The following MME variants were observed in gnomAD, a reference collection of about 807,000 sequenced individuals.
MME encodes neprilysin.
In MME, 98 loss-of-function variants were observed where a neutral mutation model predicts 113.2. The observed-to-expected ratio is 0.87, with a 90% confidence interval of 0.74 to 1.02. The LOEUF (loss-of-function observed/expected upper bound fraction) is 1.02. MME is among the 50% of genes least tolerant of loss of function. MME has a pLI of 0.00. For synonymous variants in MME, 292 were observed against 300.6 expected (o/e 0.97, Z 0.30); for missense variants, 836 against 896.0 (o/e 0.93, Z 0.86).
At chr3:155,025,613 G>T (rs1712752705) in intron 1 of MME, among the ~76,000 whole-genome samples, 1 of 134,972 alleles carries the variant, frequency 7.4e-6, no homozygotes. Flanking sequence ...GACAGAGCGA[G>T]ACCCTGTCTC....
chr3:155,039,058 C>T (rs1368313271), intron 1 of MME, among the ~76,000 whole-genome samples: 3 of 152,086 alleles, frequency 2.0e-5, no homozygotes, highest in African/African-American at 7.2e-5. Flanking sequence ...TTATTTTAAC[C>T]ACACAAAACA....
chr3:155,134,287 T>C (rs1378811445), intron 8 of MME, among the ~76,000 whole-genome samples: 1 of 152,062 alleles, frequency 6.6e-6, no homozygotes, highest in Non-Finnish European at 1.5e-5. Context: ...CTTGCTCCAC[T>C]CTCTCCCTCC....
chr3:155,084,838 T>C (rs1715522442), intron 2 of MME, among the ~76,000 whole-genome samples: 1 of 152,196 alleles, frequency 6.6e-6, no homozygotes, highest in South Asian at 2.1e-4. Context: ...GAAGATATAA[T>C]AACACATTTT....
intron 12 of MME, among the ~76,000 whole-genome samples, chr3:155,143,184 G>A (rs375668847): frequency 1.1e-4 from 16 of 152,188 alleles, no homozygotes; most frequent in African/African-American, 3.6e-4. Flanking sequence ...TTTTTCTAAC[G>A]CTTTCTACAA....
At chr3:155,169,379 C>G (rs750306438) in intron 20 of MME, among the ~76,000 whole-genome samples, 1 of 152,176 alleles carries the variant, frequency 6.6e-6, no homozygotes, top group Non-Finnish European at 1.5e-5. Flanking sequence ...TCCCATTTAG[C>G]CTTCCATTCA....
chr3:155,131,343 G>A lies in MME; in HGVS notation c.721-6759G>A, dbSNP rs562591718. On this transcript the variant is annotated intron_variant, in intron 8 of 22. Transcript: ENST00000360490. Reference sequence around the variant, plus strand: ...AATATGTGCCTCAGTGATACGTGGCGGAGCTTGTCTCACTGCATAACACAG... The same window carrying A: ...AATATGTGCCTCAGTGATACGTGGCAGAGCTTGTCTCACTGCATAACACAG... Among the ~76,000 whole-genome samples, 5 of 152,212 alleles carry A rather than the reference G, an allele frequency of 3.3e-5. No homozygotes were observed. In the South Asian group the frequency reaches 6.2e-4, roughly 19 times the overall value.
intron 3 of MME, among the ~76,000 whole-genome samples, chr3:155,107,290 T>C (rs1264969156): frequency 6.7e-6 from 1 of 150,372 alleles, no homozygotes; most frequent in Non-Finnish European, 1.5e-5. Flanking sequence ...GAGGTGGAGG[T>C]TGCAGTGAGC....
At chr3:155,168,468 T>G in intron 18 of MME, 24 bp from the exon 19 acceptor site, 1 of 1,595,046 alleles carries the variant, frequency 6.3e-7, no homozygotes, top group Non-Finnish European at 8.6e-7. Flanking sequence ...GAGTTCCCAT[T>G]TTACTTAAAT....
intron 1 of MME, among the ~76,000 whole-genome samples, chr3:155,031,742 C>T (rs905174773): frequency 6.6e-6 from 1 of 152,200 alleles, no homozygotes; most frequent in Non-Finnish European, 1.5e-5. Flanking sequence ...ACTGCAACCT[C>T]TGCCTCCCGG....
At position 155,181,955 on chromosome 3, in the gene MME, C is replaced by G. The variant is rs1440177733; in HGVS notation, c.*1496C>G. On this transcript the variant is annotated 3_prime_UTR_variant, in exon 23 of 23. Transcript: ENST00000360490. The stretch of plus-strand genomic sequence containing the variant: ...TTACAGAAATACTATAACATATGTA[C>G]ATAAATTGCATAAAGCATAAGTATA... 1 of 152,004 alleles carries G rather than the reference C, an allele frequency of 6.6e-6. No individual in the cohort carries two copies. Among genetic ancestry groups the G allele is most frequent in the African/African-American group, 2.4e-5 (1 of 41,372 alleles). 9.4% of individuals were successfully genotyped at this position (152,004 alleles called of 1,614,324 possible). A position where few individuals can be genotyped will look rare whatever the true frequency, so the allele number is the denominator to read the frequency against.
chr3:155,172,173 C>T lies in MME; in HGVS notation c.2037C>T (p.Asp679=). The change falls in exon 21 of 23, where the codon GAC becomes GAT. Residue 679 remains aspartate, a synonymous_variant. Transcript: ENST00000360490. ...AAGAAAAATTACTTCCTGGACTTGA[C>T]CTAAATCACAAACAACTATTTTTCT... ...NGEEKLLPGL[D]LNHKQLFFLN... 2.5e-6 allele frequency: 4 copies of T among 1,611,862 alleles called. No homozygotes were observed. The highest frequency in any genetic ancestry group is 3.4e-6 in the Non-Finnish European group (4 of 1,178,304).
intron 8 of MME, among the ~76,000 whole-genome samples, chr3:155,133,758 G>GTA (rs1216451166): frequency 2.8e-5 from 4 of 144,590 alleles, no homozygotes; most frequent in Non-Finnish European, 4.5e-5. Context: ...ATATATATGT[G>GTA]TATATATATG....
rs201076610 is a variant in MME, at chr3:155,085,059, A to G, written c.161A>G (p.Asp54Gly). 1 of 1,585,972 alleles carries G rather than the reference A, an allele frequency of 6.3e-7. No individual in the cohort carries two copies. The highest frequency in any genetic ancestry group is 8.6e-7 in the Non-Finnish European group (1 of 1,159,548). The change falls in exon 3 of 23, where the codon GAT becomes GGT. Residue 54 changes from aspartate (D) to glycine (G), a missense_variant and splice_region_variant. Transcript: ENST00000360490. ...TATGTATATTCTCTCCTTTTTCTAG[A>G]TGGTATTTGCAAGTCATCAGACTGC... ...TMIALYATYD[D>G]GICKSSDCIK... is the part of the protein sequence containing the mutation.
intron 1 of MME, among the ~76,000 whole-genome samples, chr3:155,070,277 T>C (rs956334096): frequency 2.0e-5 from 3 of 152,344 alleles, no homozygotes; most frequent in Admixed American, 1.3e-4. Context: ...ATCACTATAC[T>C]TGAAAAGATT....
chr3:155,044,669 T>C lies in MME; in HGVS notation c.-11+20345T>C, dbSNP rs113880706. Among the ~76,000 whole-genome samples the C allele has an allele frequency of 5.6e-4, 86 of 152,258 alleles. 1 individual carries two copies. The highest frequency in any genetic ancestry group is 1.9e-3 in the African/African-American group (81 of 41,554). Reference sequence around the variant, plus strand: ...TGAGTATCTTCTTAATTGGAATGTTTATAGTGTTTCTCCATTAAGCAGTTT... The same window carrying C: ...TGAGTATCTTCTTAATTGGAATGTTCATAGTGTTTCTCCATTAAGCAGTTT... On this transcript the variant is annotated intron_variant, in intron 1 of 22. Transcript: ENST00000492661.
rs145124549 is a variant in MME at position 155,179,338 on chromosome 3, G to A, written c.2154-1022G>A. Among the ~76,000 whole-genome samples the A allele has an allele frequency of 5.1e-3, 784 of 152,284 alleles. 2 individuals are homozygous for A. The highest frequency in any genetic ancestry group is 8.4e-3 in the Non-Finnish European group (572 of 68,016). Reference sequence around the variant, plus strand: ...ATTGGAAGCCATGGACAGGAGTTTAGATTTCCTTCAAGTCCATGGAAGGTT... The same window carrying A: ...ATTGGAAGCCATGGACAGGAGTTTAAATTTCCTTCAAGTCCATGGAAGGTT... On this transcript the variant is annotated intron_variant, in intron 22 of 22. Transcript: ENST00000360490.
chr3:155,044,370 C>T (rs561853891), intron 1 of MME, among the ~76,000 whole-genome samples: 4 of 151,980 alleles, frequency 2.6e-5, no homozygotes, highest in East Asian at 1.9e-4. Flanking sequence ...TGATCTCAGA[C>T]GATCCACCTG....
At chr3:155,082,371 A>G (rs958902153) in intron 1 of MME, among the ~76,000 whole-genome samples, 1 of 152,244 alleles carries the variant, frequency 6.6e-6, no homozygotes, top group African/African-American at 2.4e-5. Context: ...CTTAACATTC[A>G]GGTGTTCTTT....
intron 16 of MME, among the ~76,000 whole-genome samples, chr3:155,152,835 C>T (rs1170103851): frequency 2.0e-5 from 3 of 150,858 alleles, no homozygotes; most frequent in Non-Finnish European, 2.9e-5. Context: ...AGAGACACTC[C>T]GTCTCAAAGA....
Sources: gnomAD v4.1 joint callset for allele counts (sites outside exome capture counted in the v4.1 genomes callset) on GRCh38, gnomAD v4.1.1 for gene constraint, MANE v1.5 for transcripts, NCBI Gene and HGNC (gene_info 2026-07-23, HGNC 2026-07-21) for gene names.